The following PIK3C3 variants were observed in gnomAD, a reference collection of about 807,000 sequenced individuals.
PIK3C3 encodes the protein phosphatidylinositol 3-kinase catalytic subunit type 3.
PIK3C3 carries 95 observed loss-of-function variants against 126.1 expected under a neutral mutation model. The observed-to-expected ratio is 0.75, with a 90% CI of 0.64 to 0.89. The LOEUF is 0.89. Among genes scored for constraint, PIK3C3 ranks in the 40% least tolerant of loss-of-function variants. The probability of loss-of-function intolerance (pLI) is 0.00; values close to 1 mark genes in which losing one functional copy is unlikely to be tolerated. For synonymous variants in PIK3C3, 374 were observed against 360.0 expected, an observed-to-expected ratio of 1.04 and a Z score of -0.44; for missense variants, 829 against 1,063.2, an observed-to-expected ratio of 0.78 and a Z score of 3.06.
rs1263999326 is a variant in PIK3C3, at chr18:41,955,272, G to A, written c.-20G>A. 1.9e-6 allele frequency: 3 copies of A among 1,608,270 alleles called. No homozygotes were observed. The highest frequency in any genetic ancestry group is 2.6e-6 in the Non-Finnish European group (3 of 1,175,856). On this transcript the variant is annotated 5_prime_UTR_variant, in exon 1 of 25. The change creates a premature stop within an existing upstream ORF in the 5' untranslated region. Coordinates refer to ENST00000262039, the MANE Select transcript of PIK3C3 (RefSeq NM_002647.4). ...TGTACCTAAGTTCCCGCTGTAGGTG[G>A]TACCTTTGCAGACGGTGCGATGGGG...
intron 10 of PIK3C3, among the ~76,000 whole-genome samples, chr18:42,006,881 T>TTTG (rs1982572955): frequency 6.7e-6 from 1 of 148,218 alleles, no homozygotes; most frequent in Non-Finnish European, 1.5e-5. Context: ...TTTTTTTTTT[T>TTTG]GAGATGGAGT....
chr18:42,038,431 C>A lies in PIK3C3; in HGVS notation c.1969-350C>A, dbSNP rs1013612224. ...ATCTTGGCTCACTGCAACCTCTGCC[C>A]CCTGGGTTCAAGCAATTCTCCTGCC... is the stretch of plus-strand genomic sequence containing the variant. On this transcript the variant is annotated intron_variant, in intron 17 of 24. Transcript: ENST00000262039. Among the ~76,000 whole-genome samples the A allele has an allele frequency of 2.0e-5, 3 of 151,732 alleles. No homozygotes were observed. The South Asian group carries it at 6.3e-4, about 32-fold the overall frequency.
At chr18:41,971,163 G>C (rs1980647495) in intron 4 of PIK3C3, 1 of 152,840 alleles carries the variant, frequency 6.5e-6, no homozygotes, top group African/African-American at 2.4e-5. Flanking sequence ...CTTTCACAAA[G>C]CACTGTGTTA....
chr18:41,970,663 T>G (rs1242446046), intron 4 of PIK3C3: 1 of 616,792 alleles, frequency 1.6e-6, no homozygotes, highest in Non-Finnish European at 2.9e-6. Context: ...TACAGACTTG[T>G]ATAATCATCA....
chr18:42,036,441 AT>A (rs900489979), intron 16 of PIK3C3, among the ~76,000 whole-genome samples: 43 of 147,672 alleles, frequency 2.9e-4, no homozygotes, highest in African/African-American at 5.0e-4. Flanking sequence ...TCTTTGACTC[AT>A]TTTTTTTTCT....
chr18:42,003,055 A>C (rs1306559296), intron 9 of PIK3C3, among the ~76,000 whole-genome samples: 1 of 152,276 alleles, frequency 6.6e-6, no homozygotes, highest in South Asian at 2.1e-4. Context: ...CACCATCTTG[A>C]GGTGATGGGC....
intron 6 of PIK3C3, among the ~76,000 whole-genome samples, chr18:41,990,814 C>T (rs1036756971): frequency 1.3e-5 from 2 of 152,136 alleles, no homozygotes; most frequent in Non-Finnish European, 2.9e-5. Context: ...ATTAATTGTT[C>T]TGCAAATTGG....
chr18:41,959,351 A>G (rs1485228017), intron 2 of PIK3C3, among the ~76,000 whole-genome samples: 1 of 152,112 alleles, frequency 6.6e-6, no homozygotes, highest in Non-Finnish European at 1.5e-5. Flanking sequence ...TTTATATTAT[A>G]TGTTTGCAAG....
intron 24 of PIK3C3, 47 bp downstream of exon 24, chr18:42,067,560 T>C (rs1174611830): frequency 6.2e-7 from 1 of 1,600,786 alleles, no homozygotes; most frequent in African/African-American, 1.3e-5. Flanking sequence ...CTCCGTGTAC[T>C]GCCCCAGAGT....
chr18:42,028,255 C>T (rs1983663032), intron 14 of PIK3C3, among the ~76,000 whole-genome samples: 1 of 152,018 alleles, frequency 6.6e-6, no homozygotes, highest in African/African-American at 2.4e-5. Flanking sequence ...TTTTATTTTC[C>T]TTTCTATTGT....
At chr18:42,000,893 G>A (rs1356925143) in intron 9 of PIK3C3, among the ~76,000 whole-genome samples, 1 of 152,110 alleles carries the variant, frequency 6.6e-6, no homozygotes, top group Non-Finnish European at 1.5e-5. Flanking sequence ...CGTGGGAGCT[G>A]AAGATGAGAT....
chr18:41,993,273 G>A lies in PIK3C3; in HGVS notation c.718G>A (p.Gly240Ser), dbSNP rs745792896. The change falls in exon 7 of 25, where the codon GGT becomes AGT. Residue 240 changes from glycine to serine, a missense_variant. Gly to Ser is a moderately conservative substitution (Grantham distance 56). This residue lies in a region of PIK3C3 where 313 missense variants were observed against 340.7 expected (regional missense o/e 0.92). Transcript: ENST00000262039. ...EYGIVYYEKD[G>S]DESSPILTSF... ...AAATTATTGCTCTGTAATCTAGGAC[G>A]GTGATGAATCATCTCCAATTTTAAC... The A allele has an allele frequency of 5.0e-6, 8 of 1,600,266 alleles. No individual in the cohort carries two copies. Among genetic ancestry groups the A allele is most frequent in the Middle Eastern group, 1.7e-4 (1 of 6,030 alleles).
chr18:42,047,180 TA>T (rs1323826573), intron 20 of PIK3C3, among the ~76,000 whole-genome samples: 1 of 151,454 alleles, frequency 6.6e-6, no homozygotes, highest in Non-Finnish European at 1.5e-5. Context: ...AAACTAACTG[TA>T]ATTTATAATT....
intron 21 of PIK3C3, 85 bp from the exon 22 acceptor site, chr18:42,057,798 C>CTGTT (rs1985138307): frequency 8.6e-7 from 1 of 1,165,964 alleles, no homozygotes; most frequent in African/African-American, 1.6e-5. Flanking sequence ...TGAAGAGACA[C>CTGTT]TGTTTATATC....
chr18:41,961,175 T>C (rs1239309987), intron 2 of PIK3C3, among the ~76,000 whole-genome samples: 1 of 152,144 alleles, frequency 6.6e-6, no homozygotes, highest in Admixed American at 6.6e-5. Context: ...AAGGACAGAA[T>C]ACAGAATAAT....
At chr18:42,030,518 T>C (rs912892740) in intron 15 of PIK3C3, among the ~76,000 whole-genome samples, 1 of 152,052 alleles carries the variant, frequency 6.6e-6, no homozygotes, top group Non-Finnish European at 1.5e-5. Flanking sequence ...AAGATTTGAG[T>C]CAGTGGTTCA....
intron 7 of PIK3C3, among the ~76,000 whole-genome samples, chr18:41,995,676 G>A (rs940966578): frequency 1.1e-4 from 16 of 152,244 alleles, no homozygotes; most frequent in African/African-American, 3.9e-4. Context: ...AATGACGTGT[G>A]TATTATGGGA....
At chr18:42,075,133 G>A (rs976866096) in intron 24 of PIK3C3, among the ~76,000 whole-genome samples, 2 of 152,020 alleles carry the variant, frequency 1.3e-5, no homozygotes, top group African/African-American at 2.4e-5. Context: ...CTTTATGGAT[G>A]CAAAATTGTG....
At chr18:42,074,553 G>A (rs1985901204) in intron 24 of PIK3C3, among the ~76,000 whole-genome samples, 1 of 152,008 alleles carries the variant, frequency 6.6e-6, no homozygotes, top group Admixed American at 6.6e-5. Context: ...ATATTAAGTG[G>A]CATTTAGTAT....
Sources: allele counts gnomAD v4.1 joint callset (sites outside exome capture counted in the v4.1 genomes callset), GRCh38; gene constraint gnomAD v4.1.1; regional missense constraint gnomAD v4.1.1; transcripts MANE v1.5; gene names NCBI Gene and HGNC (gene_info 2026-07-23, HGNC 2026-07-21).